The following ZC3H3 variants were observed in gnomAD, a reference collection of about 807,000 sequenced individuals.
The protein encoded by ZC3H3 is zinc finger CCCH domain-containing protein 3.
Under a neutral mutation model 77.3 loss-of-function variants are expected in ZC3H3, and 36 were observed. The observed-to-expected ratio is 0.47, with a 90% CI of 0.36 to 0.61. The LOEUF (loss-of-function observed/expected upper bound fraction) is 0.61, where lower values mean the gene tolerates loss of function less well. Ranked by LOEUF, ZC3H3 falls within the 20% of genes least tolerant of loss-of-function variation. The probability of loss-of-function intolerance (pLI) is 0.00; values close to 1 mark genes in which losing one functional copy is unlikely to be tolerated. For missense variants in ZC3H3, 1,331 were observed against 1,312.2 expected (o/e 1.01, Z -0.22); for synonymous variants, 626 against 555.2 (o/e 1.13, Z -1.79).
chr8:143,500,628 C>G (rs1191494922), intron 4 of ZC3H3, among the ~76,000 whole-genome samples: 2 of 152,220 alleles, frequency 1.3e-5, no homozygotes, highest in East Asian at 1.9e-4. Flanking sequence ...GTGCCGGCAC[C>G]AGGTGAGGGT....
intron 4 of ZC3H3, among the ~76,000 whole-genome samples, chr8:143,495,910 G>T (rs1821335612): frequency 6.6e-6 from 1 of 152,048 alleles, no homozygotes; most frequent in Non-Finnish European, 1.5e-5. Flanking sequence ...TGATTCATTT[G>T]TTAGAACTCA....
intron 9 of ZC3H3, among the ~76,000 whole-genome samples, chr8:143,447,620 G>T (rs1267275335): frequency 2.0e-5 from 3 of 152,212 alleles, no homozygotes; most frequent in African/African-American, 7.2e-5. Context: ...CTGGTTCACA[G>T]TTCACAGGCC....
chr8:143,502,305 G>T (rs779192391), intron 4 of ZC3H3, among the ~76,000 whole-genome samples: 1 of 152,266 alleles, frequency 6.6e-6, no homozygotes, highest in African/African-American at 2.4e-5. Flanking sequence ...GGTGGCTGGC[G>T]TCCCAGGAGG....
rs953883775 is a variant in ZC3H3, at chr8:143,450,705, G to C, written c.2308-9585C>G. On this transcript the variant is annotated intron_variant, in intron 9 of 11. Coordinates refer to ENST00000262577, the MANE Select transcript of ZC3H3 (RefSeq NM_015117.3). Reference sequence around the variant, plus strand: ...GGTGCTACACACTTTTAAACAGCCAGATCTTGTGAACATTCCATCACAAGA... The same window carrying C: ...GGTGCTACACACTTTTAAACAGCCACATCTTGTGAACATTCCATCACAAGA... Among the ~76,000 whole-genome samples the C allele has an allele frequency of 1.2e-4, 19 of 152,148 alleles. 1 individual carries two copies. Among genetic ancestry groups the C allele is most frequent in the Admixed American group, 1.2e-3 (19 of 15,280 alleles).
chr8:143,494,597 G>A lies in ZC3H3; in HGVS notation c.1715+13149C>T, dbSNP rs369966496. ...CGAGGGCCAGCCGGGAAGGAGGGCC[G>A]GCCGGGACAGGAGGGAAGCGGCAGG... On this transcript the variant is annotated intron_variant, in intron 4 of 11. Coordinates refer to ENST00000262577, the MANE Select transcript of ZC3H3 (RefSeq NM_015117.3). The surrounding 1 kb of genome is among the most constrained non-coding windows in gnomAD (Gnocchi z 5.3). Among the ~76,000 whole-genome samples the A allele has an allele frequency of 2.6e-5, 4 of 152,132 alleles. No individual in the cohort carries two copies. The highest frequency in any genetic ancestry group is 2.0e-4 in the Admixed American group (3 of 15,270).
intron 4 of ZC3H3, among the ~76,000 whole-genome samples, chr8:143,481,282 C>G (rs1209520694): frequency 6.6e-6 from 1 of 152,232 alleles, no homozygotes; most frequent in Non-Finnish European, 1.5e-5. Context: ...AGACCCTCAT[C>G]TGGAGGAGAG....
Position 143,438,097 on chromosome 8 carries a change from G to A in ZC3H3, c.2816-10C>T. 2.5e-6 allele frequency: 4 copies of A among 1,608,406 alleles called. No homozygotes were observed. The highest frequency in any genetic ancestry group is 2.5e-6 in the Non-Finnish European group (3 of 1,177,602). On this transcript the variant is annotated splice_polypyrimidine_tract_variant and intron_variant, in intron 11 of 11. Coordinates refer to ENST00000262577, the MANE Select transcript of ZC3H3 (RefSeq NM_015117.3). ...ATGTGCAGAGGCTTCCCTATGCAAAGAGGGCAAAAGTTAGGTGCCCGGAAA... is the reference window on the plus strand; with the variant it reads ...ATGTGCAGAGGCTTCCCTATGCAAAAAGGGCAAAAGTTAGGTGCCCGGAAA...
At position 143,538,511 on chromosome 8, in the gene ZC3H3, C is replaced by T; in HGVS notation, c.856G>A (p.Ala286Thr). Residue 286 changes from alanine (A) to threonine (T), a missense_variant, in exon 2 of 12, where the codon GCC (alanine) becomes ACC (threonine). Around this residue, in one of 3 missense-constraint regions of ZC3H3, gnomAD observed 978 missense variants for 915.5 expected, o/e 1.07. Transcript: ENST00000262577. ...SGSVGGPARP[A>T]SGPRQAREAS... ...TCCCGGGCCTGCCTGGGTCCTGAGG[C>T]CGGTCTGGCGGGGCCCCCCACTGAG... is the stretch of plus-strand genomic sequence containing the variant. 1 of 1,612,602 alleles carries T rather than the reference C, an allele frequency of 6.2e-7. No homozygotes were observed. The highest frequency in any genetic ancestry group is 8.5e-7 in the Non-Finnish European group (1 of 1,180,028).
intron 2 of ZC3H3, among the ~76,000 whole-genome samples, chr8:143,536,816 T>C (rs528696877): frequency 1.3e-5 from 2 of 151,874 alleles, no homozygotes; most frequent in Admixed American, 6.6e-5. Flanking sequence ...CCGACATCCC[T>C]GAGGAGAGCG....
chr8:143,532,819 C>T (rs529486072), intron 3 of ZC3H3, among the ~76,000 whole-genome samples: 8 of 152,318 alleles, frequency 5.3e-5, no homozygotes, highest in African/African-American at 1.7e-4. Flanking sequence ...CCCAGCCTCC[C>T]ATCTCCTCAG....
intron 4 of ZC3H3, among the ~76,000 whole-genome samples, chr8:143,477,504 G>A (rs1820769119): frequency 6.6e-6 from 1 of 152,144 alleles, no homozygotes; most frequent in Admixed American, 6.5e-5. Context: ...CAGACCCTGG[G>A]GTCCCAGTGC....
intron 9 of ZC3H3, among the ~76,000 whole-genome samples, chr8:143,447,541 T>C (rs1221452815): frequency 6.6e-6 from 1 of 152,166 alleles, no homozygotes; most frequent in Non-Finnish European, 1.5e-5. Context: ...AGATGGTACA[T>C]GAGTCCATTC....
intron 8 of ZC3H3, among the ~76,000 whole-genome samples, chr8:143,467,899 C>T (rs944194200): frequency 6.6e-6 from 1 of 152,122 alleles, no homozygotes; most frequent in African/African-American, 2.4e-5. Context: ...CCTGTGGGAC[C>T]ACCTTCCCCT....
In ZC3H3 at chr8:143,538,886, C is replaced by T; in HGVS notation, c.481G>A (p.Glu161Lys). Residue 161 changes from glutamate to lysine, a missense_variant, in exon 2 of 12, where the codon GAA becomes AAA. Glu to Lys is a moderately conservative substitution (Grantham distance 56). This residue lies in a region of ZC3H3 where 978 missense variants were observed against 915.5 expected (regional missense o/e 1.07). Coordinates refer to ENST00000262577, the MANE Select transcript of ZC3H3 (RefSeq NM_015117.3). ...ETPWSDQRPR[E>K]GEGEPPRGQL... ...CCCCGAGGGGGCTCACCTTCACCTT[C>T]CCGGGGCCTTTGGTCACTCCAGGGG... The T allele has an allele frequency of 6.2e-7, 1 of 1,612,764 alleles. No individual in the cohort carries two copies. The highest frequency in any genetic ancestry group is 8.5e-7 in the Non-Finnish European group (1 of 1,179,878).
At chr8:143,446,083 C>G (rs576780253) in intron 9 of ZC3H3, among the ~76,000 whole-genome samples, 19 of 152,150 alleles carry the variant, frequency 1.2e-4, no homozygotes, top group Non-Finnish European at 2.6e-4. Flanking sequence ...GAGGGCTGCA[C>G]CGCACACCCG....
At chr8:143,457,301 T>G (rs1820147635) in intron 9 of ZC3H3, among the ~76,000 whole-genome samples, 1 of 152,136 alleles carries the variant, frequency 6.6e-6, no homozygotes, top group Admixed American at 6.6e-5. Flanking sequence ...TCAAAACACT[T>G]GGAAACTAAA....
rs1193918027 is a variant in ZC3H3 at position 143,462,893 on chromosome 8, T to C, written c.2307+2824A>G. 6.6e-6 allele frequency among the ~76,000 whole-genome samples: 1 copy of C among 152,008 alleles called. No individual in the cohort carries two copies. Among genetic ancestry groups the C allele is most frequent in the African/African-American group, 2.4e-5 (1 of 41,378 alleles). ...ACAAGCACACGCAGCGCCCAGACCC[T>C]GAGTCCTAAACACACCCAGAAGGAA... On this transcript the variant is annotated intron_variant, in intron 9 of 11. Coordinates refer to ENST00000262577, the MANE Select transcript of ZC3H3 (RefSeq NM_015117.3). This position sits in a 1 kb window ranked among gnomAD's most constrained non-coding sequence, Gnocchi z 4.7.
At chr8:143,470,892 A>G (rs1271257405) in intron 5 of ZC3H3, among the ~76,000 whole-genome samples, 1 of 152,190 alleles carries the variant, frequency 6.6e-6, no homozygotes, top group African/African-American at 2.4e-5. Flanking sequence ...TCCACAGCAG[A>G]AGGCGCCATG....
At chr8:143,491,668 C>CCCT (rs1194570983) in intron 4 of ZC3H3, among the ~76,000 whole-genome samples, 1 of 152,248 alleles carries the variant, frequency 6.6e-6, no homozygotes, top group Admixed American at 6.5e-5. Flanking sequence ...ACTCACGGGT[C>CCCT]CCTCTGCCAC....
Sources: allele counts gnomAD v4.1 joint callset (sites outside exome capture counted in the v4.1 genomes callset), GRCh38; gene constraint gnomAD v4.1.1; regional missense constraint gnomAD v4.1.1; non-coding constraint Gnocchi (gnomAD v3.1); transcripts MANE v1.5; gene names NCBI Gene and HGNC (gene_info 2026-07-23, HGNC 2026-07-21).